CUL2: variants seen among roughly 807,000 people sequenced by gnomAD.
The protein encoded by CUL2 is cullin-2.
A neutral mutation model predicts 110.2 loss-of-function variants in CUL2; 22 were observed. The observed-to-expected ratio is 0.20, with a 90% CI of 0.14 to 0.28. The LOEUF (loss-of-function observed/expected upper bound fraction) is 0.28, where lower values mean the gene tolerates loss of function less well. Among genes scored for constraint, CUL2 ranks in the 10% least tolerant of loss-of-function variants. The pLI is 1.00. For missense variants in CUL2, 631 were observed against 905.5 expected, an observed-to-expected ratio of 0.70 and a Z score of 3.89; for synonymous variants, 279 against 293.2, an observed-to-expected ratio of 0.95 and a Z score of 0.49.
chr10:35,073,521 C>T (rs1320164389), intron 1 of CUL2, among the ~76,000 whole-genome samples: 1 of 152,094 alleles, frequency 6.6e-6, no homozygotes, highest in African/African-American at 2.4e-5. Flanking sequence ...CCTGTACAAA[C>T]TCGTTTAATC....
chr10:35,078,471 T>TC (rs1217223739), intron 1 of CUL2, among the ~76,000 whole-genome samples: 1 of 148,546 alleles, frequency 6.7e-6, no homozygotes, highest in Non-Finnish European at 1.5e-5. Flanking sequence ...AATTTTGTAT[T>TC]TTTTTTTTTA....
At chr10:35,048,399 T>C (rs1457070636) in intron 6 of CUL2, among the ~76,000 whole-genome samples, 13 of 152,208 alleles carry the variant, frequency 8.5e-5, no homozygotes. Flanking sequence ...TTTTATCATA[T>C]TGATTTTTAG....
rs1488787748 is a variant in CUL2, at chr10:35,039,017, A to C, written c.780T>G (p.Thr260=). 1 of 1,608,064 alleles carries C rather than the reference A, an allele frequency of 6.2e-7. No homozygotes were observed. The highest frequency in any genetic ancestry group is 1.1e-5 in the South Asian group (1 of 90,542). ...CRKYLHPSSY[T]KVIHECQQRM... ...GTTGTTGACATTCATGAATCACCTTAGTATATGAACTTGGATGTAGGTATT... is the reference window on the plus strand; with the variant it reads ...GTTGTTGACATTCATGAATCACCTTCGTATATGAACTTGGATGTAGGTATT... The change falls in exon 9 of 21, where the codon ACT becomes ACG. Residue 260 remains threonine, a synonymous_variant. Transcript: ENST00000374749.
At chr10:35,102,528 T>A (rs2087395954) in intron 1 of CUL2, among the ~76,000 whole-genome samples, 1 of 151,960 alleles carries the variant, frequency 6.6e-6, no homozygotes, top group South Asian at 2.1e-4. Flanking sequence ...GCTGAGACTG[T>A]TCCACTGCAC....
intron 1 of CUL2, among the ~76,000 whole-genome samples, chr10:35,105,548 A>C (rs1352317829): frequency 2.0e-5 from 3 of 151,410 alleles, no homozygotes; most frequent in Non-Finnish European, 4.4e-5. Flanking sequence ...TACTAAAAAA[A>C]TACAAAAAAA....
chr10:35,107,618 C>T (rs950699543), intron 1 of CUL2, among the ~76,000 whole-genome samples: 2 of 151,988 alleles, frequency 1.3e-5, no homozygotes, highest in African/African-American at 4.8e-5. Context: ...CGCGGTGGCT[C>T]ATGCCTGTAA....
intron 1 of CUL2, among the ~76,000 whole-genome samples, chr10:35,125,451 A>G (rs1320186442): frequency 2.6e-5 from 4 of 152,228 alleles, no homozygotes; most frequent in African/African-American, 9.6e-5. Flanking sequence ...TGTTACAGAG[A>G]CAATTGTTGT....
At chr10:35,106,289 A>C (rs938559588) in intron 1 of CUL2, among the ~76,000 whole-genome samples, 10 of 151,752 alleles carry the variant, frequency 6.6e-5, no homozygotes, top group African/African-American at 2.4e-4. Flanking sequence ...CCTATAAAAA[A>C]TAAATGTGTT....
intron 19 of CUL2, among the ~76,000 whole-genome samples, chr10:35,012,737 C>G (rs375549018): frequency 1.3e-5 from 2 of 152,154 alleles, no homozygotes; most frequent in African/African-American, 4.8e-5. Context: ...TTGTCTCCCC[C>G]CATCGGGAAT....
chr10:35,019,381 T>C (rs1033013000), intron 17 of CUL2, among the ~76,000 whole-genome samples: 1 of 152,154 alleles, frequency 6.6e-6, no homozygotes, highest in Non-Finnish European at 1.5e-5. Context: ...CTTGCTATTT[T>C]TCAATACTCT....
chr10:35,027,613 T>C (rs957853985), intron 16 of CUL2, among the ~76,000 whole-genome samples: 1 of 152,160 alleles, frequency 6.6e-6, no homozygotes, highest in Non-Finnish European at 1.5e-5. Flanking sequence ...GATAGTTATA[T>C]TTAAGATTAA....
At chr10:35,090,587 C>T (rs923687895), upstream of CUL2, 9 of 152,626 alleles carry the variant, frequency 5.9e-5, no homozygotes, top group African/African-American at 2.2e-4. Flanking sequence ...CAACACACAC[C>T]CTCCGGTCTC....
chr10:35,036,564 C>G, intron 9 of CUL2, among the ~76,000 whole-genome samples: 1 of 152,180 alleles, frequency 6.6e-6, no homozygotes, highest in South Asian at 2.1e-4. Context: ...TTTATACTCT[C>G]ACTTCAGTGT....
upstream of CUL2, among the ~76,000 whole-genome samples, chr10:35,094,201 A>C (rs1321325961): frequency 6.6e-6 from 1 of 151,932 alleles, no homozygotes; most frequent in Non-Finnish European, 1.5e-5. Context: ...CAATAGATAT[A>C]ACCCACATGA....
chr10:35,027,611 T>C (rs1000116365), intron 16 of CUL2, among the ~76,000 whole-genome samples: 4 of 152,204 alleles, frequency 2.6e-5, no homozygotes, highest in African/African-American at 9.6e-5. Context: ...TTGATAGTTA[T>C]ATTTAAGATT....
chr10:35,062,420 AG>A (rs2086406782), intron 3 of CUL2, among the ~76,000 whole-genome samples: 1 of 152,218 alleles, frequency 6.6e-6, no homozygotes, highest in Non-Finnish European at 1.5e-5. Flanking sequence ...AACACTATCC[AG>A]AGGACGTAGG....
At chr10:35,041,212 T>C (rs1165278660) in intron 8 of CUL2, among the ~76,000 whole-genome samples, 1 of 152,244 alleles carries the variant, frequency 6.6e-6, no homozygotes, top group Non-Finnish European at 1.5e-5. Context: ...GACTTTAATC[T>C]GCTTGCCAAG....
upstream of CUL2, among the ~76,000 whole-genome samples, chr10:35,092,889 AT>A (rs71299708): frequency 0.36 from 54,194 of 151,862 alleles, 11,762 homozygotes; most frequent in Middle Eastern, 0.49. Flanking sequence ...GTGTAGGCAT[AT>A]TTCTATTAAT....
In CUL2 at chr10:35,010,339, G is replaced by A. The variant is rs202046289; in HGVS notation, c.2210C>T (p.Ser737Leu). 134 of 1,610,864 alleles carry A rather than the reference G, an allele frequency of 8.3e-5. No homozygotes were observed. Among genetic ancestry groups the A allele is most frequent in the Middle Eastern group, 1.6e-4 (1 of 6,074 alleles). The change falls in exon 21 of 21, where the codon TCG becomes TTG. Residue 737 changes from serine to leucine, a missense_variant. Coordinates refer to ENST00000374749, the MANE Select transcript of CUL2 (RefSeq NM_003591.4). ...DKQYIERSQA[S>L]ADEYSYVA is the part of the protein sequence containing the mutation. ...CGCGACGTAGCTGTATTCATCTGCC[G>A]ACGCCTGGCTGCGTTCTATGTATTG... is the stretch of plus-strand genomic sequence containing the variant.
Sources: gnomAD v4.1 joint callset for allele counts (sites outside exome capture counted in the v4.1 genomes callset) on GRCh38, gnomAD v4.1.1 for gene constraint, MANE v1.5 for transcripts, NCBI Gene and HGNC (gene_info 2026-07-23, HGNC 2026-07-21) for gene names.